NBEA: variants seen among roughly 807,000 people sequenced by gnomAD.
NBEA encodes lysosomal-trafficking regulator 2.
A neutral mutation model predicts 343.4 loss-of-function variants in NBEA; 44 were observed. That is an observed-to-expected ratio of 0.13 (90% CI 0.10 to 0.16). The LOEUF is 0.16. Ranked by LOEUF, NBEA falls within the 10% of genes least tolerant of loss-of-function variation. NBEA has a pLI of 1.00. For synonymous variants in NBEA, 1,175 were observed against 1,238.7 expected, an observed-to-expected ratio of 0.95 and a Z score of 1.08; for missense variants, 2,555 against 3,631.3, an observed-to-expected ratio of 0.70 and a Z score of 7.62.
intron 18 of NBEA, among the ~76,000 whole-genome samples, chr13:35,146,524 C>T (rs1343584087): frequency 6.6e-6 from 1 of 152,202 alleles, no homozygotes; most frequent in African/African-American, 2.4e-5. Flanking sequence ...GTTTCCTTCT[C>T]TCCCTTTGGA....
intron 41 of NBEA, among the ~76,000 whole-genome samples, chr13:35,483,047 C>A (rs568949053): frequency 2.6e-5 from 4 of 151,682 alleles, no homozygotes; most frequent in Non-Finnish European, 5.9e-5. Flanking sequence ...AAGTTTTAAT[C>A]AAAAAACACT....
intron 38 of NBEA, among the ~76,000 whole-genome samples, chr13:35,359,694 C>G (rs1418125094): frequency 6.6e-6 from 1 of 151,986 alleles, no homozygotes; most frequent in Admixed American, 6.6e-5. Flanking sequence ...TTAAATAATG[C>G]TCAATGTATA....
In NBEA at chr13:35,466,105, A is replaced by C. The variant is rs186345740; in HGVS notation, c.6449-6295A>C. On this transcript the variant is annotated intron_variant, in intron 40 of 58. Coordinates refer to ENST00000379939, the MANE Select transcript of NBEA (RefSeq NM_001385012.1). ...GTCTGTTTTAGACTGTGCTAAGTTG[A>C]GTTTTTCAGATGTAGGTTTACTCTC... Among the ~76,000 whole-genome samples, 4 of 152,228 alleles carry C rather than the reference A, an allele frequency of 2.6e-5. No individual in the cohort carries two copies. In the East Asian group the frequency reaches 7.7e-4, roughly 29 times the overall value.
At chr13:35,071,660 T>C (rs1297402931) in intron 10 of NBEA, among the ~76,000 whole-genome samples, 2 of 152,012 alleles carry the variant, frequency 1.3e-5, no homozygotes, top group African/African-American at 4.8e-5. Flanking sequence ...TGTATATATA[T>C]ACATATACAT....
intron 36 of NBEA, among the ~76,000 whole-genome samples, chr13:35,331,207 C>T (rs1287073931): frequency 1.3e-5 from 2 of 151,928 alleles, no homozygotes; most frequent in Non-Finnish European, 2.9e-5. Context: ...CCAGAAACTT[C>T]GTGACTTACT....
At chr13:35,374,665 T>G (rs1353147722) in intron 38 of NBEA, among the ~76,000 whole-genome samples, 1 of 152,130 alleles carries the variant, frequency 6.6e-6, no homozygotes, top group East Asian at 1.9e-4. Flanking sequence ...GTAATAAATT[T>G]AAAAGGAAAC....
chr13:35,182,571 A>G (rs763589777), intron 29 of NBEA, 43 bp downstream of exon 29: 5 of 1,544,274 alleles, frequency 3.2e-6, no homozygotes, highest in South Asian at 2.4e-5. Context: ...ACCATGATGT[A>G]TCTCCTTTTT....
At chr13:35,309,721 G>A in intron 36 of NBEA, 129 bp downstream of exon 36, 1 of 563,250 alleles carries the variant, frequency 1.8e-6, no homozygotes, top group East Asian at 3.3e-5. Flanking sequence ...TTATCACACA[G>A]GTACTTAATT....
chr13:35,259,689 A>G (rs1032063611), intron 34 of NBEA, among the ~76,000 whole-genome samples: 4 of 152,124 alleles, frequency 2.6e-5, no homozygotes, highest in Non-Finnish European at 5.9e-5. Flanking sequence ...TTCTTTAGAG[A>G]TACCTATTGG....
intron 20 of NBEA, 44 bp downstream of exon 20, chr13:35,156,250 A>G (rs369914854): frequency 4.1e-6 from 6 of 1,463,438 alleles, no homozygotes; most frequent in Non-Finnish European, 4.5e-6. Flanking sequence ...TCCATAATTA[A>G]TATTTTCTCT....
rs549418063 is a variant in NBEA at position 35,563,069 on chromosome 13, T to C, written c.6923-3836T>C. Among the ~76,000 whole-genome samples, 5 of 152,088 alleles carry C rather than the reference T, an allele frequency of 3.3e-5. No homozygotes were observed. The South Asian group carries it at 1.0e-3, about 32-fold the overall frequency. On this transcript the variant is annotated intron_variant, in intron 44 of 58. Coordinates refer to ENST00000379939, the MANE Select transcript of NBEA (RefSeq NM_001385012.1). Reference sequence around the variant, plus strand: ...ATAGGCTTGCGGTATTTAATATTCATCTTCCAAGATAAATTCTTATAAGCA... The same window carrying C: ...ATAGGCTTGCGGTATTTAATATTCACCTTCCAAGATAAATTCTTATAAGCA...
At chr13:34,948,030 G>A (rs1593255997) in intron 1 of NBEA, among the ~76,000 whole-genome samples, 1 of 152,166 alleles carries the variant, frequency 6.6e-6, no homozygotes, top group African/African-American at 2.4e-5. Flanking sequence ...ACATAACAAG[G>A]TCATGTTGTT....
At chr13:35,275,185 G>A (rs1039192291) in intron 34 of NBEA, among the ~76,000 whole-genome samples, 5 of 152,090 alleles carry the variant, frequency 3.3e-5, no homozygotes, top group African/African-American at 1.2e-4. Context: ...TGGAACAGAG[G>A]CCTCAGAAAT....
intron 41 of NBEA, among the ~76,000 whole-genome samples, chr13:35,540,820 A>G (rs1185459289): frequency 6.6e-6 from 1 of 152,202 alleles, no homozygotes; most frequent in East Asian, 1.9e-4. Flanking sequence ...ACCTGCCACA[A>G]TGTAAGAGAT....
chr13:35,319,190 A>T (rs1220490643), intron 36 of NBEA, among the ~76,000 whole-genome samples: 1 of 152,138 alleles, frequency 6.6e-6, no homozygotes, highest in Non-Finnish European at 1.5e-5. Context: ...TTGTGATGTT[A>T]GGGCATTGAT....
At chr13:35,436,985 C>T (rs955701065) in intron 39 of NBEA, among the ~76,000 whole-genome samples, 18 of 152,082 alleles carry the variant, frequency 1.2e-4, no homozygotes, top group African/African-American at 4.1e-4. Flanking sequence ...TCAAAGCAAT[C>T]CCTGGGATTT....
At chr13:35,073,202 G>T (rs1163263319) in intron 10 of NBEA, among the ~76,000 whole-genome samples, 2 of 152,150 alleles carry the variant, frequency 1.3e-5, no homozygotes, top group Non-Finnish European at 2.9e-5. Flanking sequence ...CTATGCAGGG[G>T]TGATAGAATT....
chr13:35,089,601 A>C (rs1360010155), intron 10 of NBEA, among the ~76,000 whole-genome samples: 1 of 125,736 alleles, frequency 8.0e-6, no homozygotes. Flanking sequence ...CTATAAAGAC[A>C]CATGCACACA....
At chr13:35,162,764 C>T (rs2069668315) in intron 23 of NBEA, among the ~76,000 whole-genome samples, 2 of 152,008 alleles carry the variant, frequency 1.3e-5, no homozygotes, top group Non-Finnish European at 2.9e-5. Flanking sequence ...GGTTAATTAA[C>T]TAGTAACTAG....
Sources: gnomAD v4.1 joint callset for allele counts (sites outside exome capture counted in the v4.1 genomes callset) on GRCh38, gnomAD v4.1.1 for gene constraint, MANE v1.5 for transcripts, NCBI Gene and HGNC (gene_info 2026-07-23, HGNC 2026-07-21) for gene names.